The following RAB42 variants were observed in gnomAD, a reference collection of about 807,000 sequenced individuals.
RAB42 encodes ras-related protein Rab-42.
In RAB42, 4 loss-of-function variants were observed where a neutral mutation model predicts 7.5. The observed-to-expected ratio is 0.53, with a 90% CI of 0.26 to 1.22. The LOEUF is 1.22. Among genes scored for constraint, RAB42 ranks in the 50% most tolerant of loss-of-function variants. The pLI is 0.13. For synonymous variants in RAB42, 82 were observed against 129.0 expected (o/e 0.64, Z 2.47); for missense variants, 208 against 281.2 (o/e 0.74, Z 1.86).
intron 1 of RAB42, among the ~76,000 whole-genome samples, chr1:28,593,083 A>G (rs919845029): frequency 5.9e-5 from 9 of 152,164 alleles, no homozygotes; most frequent in Admixed American, 5.9e-4. Flanking sequence ...GAGGATCAGC[A>G]GGAGTTTGCC....
chr1:28,594,923 T>G lies in RAB42; in HGVS notation c.*806T>G, dbSNP rs1486933769. Reference sequence around the variant, plus strand: ...GGGAGCTTGGCTTGGAGGCTTCTTATGTCCTCAGGCTAAAATGATTCTGGG... The same window carrying G: ...GGGAGCTTGGCTTGGAGGCTTCTTAGGTCCTCAGGCTAAAATGATTCTGGG... On this transcript the variant is annotated 3_prime_UTR_variant, in exon 2 of 2. Coordinates refer to ENST00000465518, the MANE Select transcript of RAB42 (RefSeq NM_001193532.3). The G allele has an allele frequency of 1.8e-5, 3 of 167,198 alleles. No individual in the cohort carries two copies. The highest frequency in any genetic ancestry group is 4.4e-5 in the Non-Finnish European group (3 of 68,222). 10.4% of individuals were successfully genotyped at this position (167,198 alleles called of 1,614,324 possible). A position where few individuals can be genotyped will look rare whatever the true frequency, so the allele number is the denominator to read the frequency against.
At position 28,594,701 on chromosome 1, in the gene RAB42, C is replaced by T. The variant is rs1019094201; in HGVS notation, c.*584C>T. Reference sequence around the variant, plus strand: ...ATCCCACCTTGAAGGGAGGTGGTGACCACAAATGAGACAGTGGACAGGATG... The same window carrying T: ...ATCCCACCTTGAAGGGAGGTGGTGATCACAAATGAGACAGTGGACAGGATG... On this transcript the variant is annotated 3_prime_UTR_variant, in exon 2 of 2. Transcript: ENST00000465518. 1 of 167,134 alleles carries T rather than the reference C, an allele frequency of 6.0e-6. No individual in the cohort carries two copies. Among genetic ancestry groups the T allele is most frequent in the African/African-American group, 2.4e-5 (1 of 41,448 alleles). The allele number at this position is 167,134 out of a possible 1,614,324, so 10.4% of individuals were successfully genotyped here. A position where few individuals can be genotyped will look rare whatever the true frequency, so the allele number is the denominator to read the frequency against.
chr1:28,592,816 T>C lies in RAB42; in HGVS notation c.233+72T>C. 1.4e-6 allele frequency: 1 copy of C among 705,630 alleles called. No homozygotes were observed. Among genetic ancestry groups the C allele is most frequent in the Non-Finnish European group, 2.0e-6 (1 of 509,786 alleles). The allele number at this position is 705,630 out of a possible 1,614,324, so 43.7% of individuals were successfully genotyped here. On this transcript the variant is annotated intron_variant, in intron 1 of 1. Transcript: ENST00000465518. This position sits in a 1 kb window ranked among gnomAD's most constrained non-coding sequence, Gnocchi z 4.1. Reference sequence around the variant, plus strand: ...TGAGCGTGCTTTAGGCCACGGCAACTCCCGAGAGGCCAACTCAGAGGTCAG... The same window carrying C: ...TGAGCGTGCTTTAGGCCACGGCAACCCCCGAGAGGCCAACTCAGAGGTCAG...
intron 1 of RAB42, 44 bp from the exon 2 acceptor site, chr1:28,593,639 GTCATGGAGGCA>G: frequency 6.7e-7 from 1 of 1,483,650 alleles, no homozygotes; most frequent in South Asian, 1.3e-5. Flanking sequence ...CTCTGGGGGT[GTCATGGAGGCA>G]TCAGCCTCTC....
Position 28,592,309 on chromosome 1 carries a change from C to T in RAB42, c.-203C>T, listed in dbSNP as rs1666327187. The T allele has an allele frequency of 5.2e-6, 1 of 192,468 alleles. No homozygotes were observed. The highest frequency in any genetic ancestry group is 1.0e-5 in the Non-Finnish European group (1 of 95,448). 11.9% of individuals were successfully genotyped at this position (192,468 alleles called of 1,614,324 possible). ...CTGTGAAGTAGGGGTCATCATTAGC[C>T]CCCTTTTACAGAGGAGAGAATTGAG... is the stretch of plus-strand genomic sequence containing the variant. On this transcript the variant is annotated 5_prime_UTR_variant, in exon 1 of 2. Coordinates refer to ENST00000465518, the MANE Select transcript of RAB42 (RefSeq NM_001193532.3). The surrounding 1 kb of genome is among the most constrained non-coding windows in gnomAD (Gnocchi z 4.1).
intron 1 of RAB42, among the ~76,000 whole-genome samples, chr1:28,593,196 A>C (rs1396440947): frequency 6.6e-6 from 1 of 150,806 alleles, no homozygotes; most frequent in East Asian, 2.0e-4. Flanking sequence ...GAGCACCCAG[A>C]CTTTTTTCTT....
At chr1:28,596,360 G>A (rs1161128394), downstream of RAB42, among the ~76,000 whole-genome samples, 1 of 152,094 alleles carries the variant, frequency 6.6e-6, no homozygotes, top group African/African-American at 2.4e-5. Context: ...GGTGGCTCAC[G>A]CCTGTAATCC....
rs556686113 is a variant in RAB42, at chr1:28,592,824, G to A, written c.233+80G>A. ...CTTTAGGCCACGGCAACTCCCGAGAGGCCAACTCAGAGGTCAGGCGGAGGG... is the reference window on the plus strand; with the variant it reads ...CTTTAGGCCACGGCAACTCCCGAGAAGCCAACTCAGAGGTCAGGCGGAGGG... On this transcript the variant is annotated intron_variant, in intron 1 of 1. Transcript: ENST00000465518. This position sits in a 1 kb window ranked among gnomAD's most constrained non-coding sequence, Gnocchi z 4.1. 1.3e-4 allele frequency: 84 copies of A among 650,778 alleles called. No homozygotes were observed. The highest frequency in any genetic ancestry group is 1.7e-4 in the Non-Finnish European group (78 of 459,288). 40.3% of individuals were successfully genotyped at this position (650,778 alleles called of 1,614,324 possible).
chr1:28,596,125 C>T (rs1279409563), downstream of RAB42, among the ~76,000 whole-genome samples: 1 of 151,588 alleles, frequency 6.6e-6, no homozygotes, highest in Non-Finnish European at 1.5e-5. Context: ...CTTGGTCCTG[C>T]CTCTTTTTTT....
chr1:28,594,211 G>C lies in RAB42; in HGVS notation c.*94G>C. On this transcript the variant is annotated 3_prime_UTR_variant, in exon 2 of 2. Coordinates refer to ENST00000465518, the MANE Select transcript of RAB42 (RefSeq NM_001193532.3). The stretch of plus-strand genomic sequence containing the variant: ...CTCTCTGGAGGACAAATGACAGAAG[G>C]GTTCATATAAACAGTATCCTGACAC... The C allele has an allele frequency of 8.3e-7, 1 of 1,209,132 alleles. No homozygotes were observed. The highest frequency in any genetic ancestry group is 1.1e-6 in the Non-Finnish European group (1 of 877,020). 74.9% of individuals were successfully genotyped at this position (1,209,132 alleles called of 1,614,324 possible).
At chr1:28,595,779 T>C (rs189293655), downstream of RAB42, among the ~76,000 whole-genome samples, 33 of 152,100 alleles carry the variant, frequency 2.2e-4, no homozygotes, top group South Asian at 1.9e-3. Flanking sequence ...TGGTGGCTCA[T>C]GCCTGTAATC....
chr1:28,595,916 A>C (rs1666426153), downstream of RAB42, among the ~76,000 whole-genome samples: 1 of 152,086 alleles, frequency 6.6e-6, no homozygotes, highest in Non-Finnish European at 1.5e-5. Flanking sequence ...TCCGTCTCAT[A>C]AAAAAAGAAA....
chr1:28,592,616 C>A lies in RAB42; in HGVS notation c.105C>A (p.Gly35=), dbSNP rs1666340163. The change falls in exon 1 of 2, where the codon GGC becomes GGA. Residue 35 remains glycine (G), a synonymous_variant. Transcript: ENST00000465518. The surrounding 1 kb of genome is among the most constrained non-coding windows in gnomAD (Gnocchi z 4.1). Reference sequence around the variant, plus strand: ...GGAGCTACGTGGCAGGCGCGCCTGGCGCCCCGGAGCCGGAGCCCGAGCCCG... The same window carrying A: ...GGAGCTACGTGGCAGGCGCGCCTGGAGCCCCGGAGCCGGAGCCCGAGCCCG... ...LLRSYVAGAP[G]APEPEPEPEP... 4.9e-6 allele frequency: 6 copies of A among 1,221,802 alleles called. No individual in the cohort carries two copies. Among genetic ancestry groups the A allele is most frequent in the Non-Finnish European group, 6.1e-6 (6 of 981,548 alleles). The allele number at this position is 1,221,802 out of a possible 1,614,324, so 75.7% of individuals were successfully genotyped here. A position where few individuals can be genotyped will look rare whatever the true frequency, so the allele number is the denominator to read the frequency against.
rs1666336015 is a variant in RAB42, at chr1:28,592,504, A to T, written c.-8A>T. On this transcript the variant is annotated 5_prime_UTR_variant, in exon 1 of 2. Coordinates refer to ENST00000465518, the MANE Select transcript of RAB42 (RefSeq NM_001193532.3). The surrounding 1 kb of genome is among the most constrained non-coding windows in gnomAD (Gnocchi z 4.1). ...CCGCCGCGGGGCGGCGGGGTGGCGG[A>T]CGCGGCCATGGAGGCCGAGGGCTGC... is the stretch of plus-strand genomic sequence containing the variant. The T allele has an allele frequency of 2.5e-6, 3 of 1,195,348 alleles. No individual in the cohort carries two copies. In the South Asian group the frequency reaches 1.3e-4, roughly 50 times the overall value. 74.0% of individuals were successfully genotyped at this position (1,195,348 alleles called of 1,614,324 possible).
In RAB42 at chr1:28,593,859, G is replaced by A. The variant is rs762100612; in HGVS notation, c.399G>A (p.Leu133=). ...IFLLVGHKSD[L]QSTRCVSAQE... is the part of the protein sequence containing the mutation. Reference sequence around the variant, plus strand: ...TGCTGGTTGGCCACAAGAGTGACCTGCAGAGCACCCGCTGTGTCTCAGCCC... The same window carrying A: ...TGCTGGTTGGCCACAAGAGTGACCTACAGAGCACCCGCTGTGTCTCAGCCC... Residue 133 remains leucine, a synonymous_variant, in exon 2 of 2, where the codon CTG becomes CTA. Transcript: ENST00000465518. 8.1e-6 allele frequency: 13 copies of A among 1,595,578 alleles called. No individual in the cohort carries two copies. The African/African-American group carries it at 1.6e-4, about 20-fold the overall frequency.
In RAB42 at chr1:28,592,622, G is replaced by A. The variant is rs1194504988; in HGVS notation, c.111G>A (p.Pro37=). ...RSYVAGAPGA[P]EPEPEPEPTV... Reference sequence around the variant, plus strand: ...ACGTGGCAGGCGCGCCTGGCGCCCCGGAGCCGGAGCCCGAGCCCGAGCCCA... The same window carrying A: ...ACGTGGCAGGCGCGCCTGGCGCCCCAGAGCCGGAGCCCGAGCCCGAGCCCA... Residue 37 remains proline, a synonymous_variant, in exon 1 of 2, where the codon CCG becomes CCA. Transcript: ENST00000465518. This position sits in a 1 kb window ranked among gnomAD's most constrained non-coding sequence, Gnocchi z 4.1. 2 of 1,223,228 alleles carry A rather than the reference G, an allele frequency of 1.6e-6. No individual in the cohort carries two copies. Among genetic ancestry groups the A allele is most frequent in the Admixed American group, 8.6e-5 (2 of 23,386 alleles). 75.8% of individuals were successfully genotyped at this position (1,223,228 alleles called of 1,614,324 possible).
Position 28,592,823 on chromosome 1 carries a change from A to G in RAB42, c.233+79A>G, listed in dbSNP as rs1037544903. On this transcript the variant is annotated intron_variant, in intron 1 of 1. Transcript: ENST00000465518. The surrounding 1 kb of genome is among the most constrained non-coding windows in gnomAD (Gnocchi z 4.1). ...GCTTTAGGCCACGGCAACTCCCGAG[A>G]GGCCAACTCAGAGGTCAGGCGGAGG... 4 of 649,768 alleles carry G rather than the reference A, an allele frequency of 6.2e-6. No individual in the cohort carries two copies. The South Asian group carries it at 3.3e-4, about 54-fold the overall frequency. 40.3% of individuals were successfully genotyped at this position (649,768 alleles called of 1,614,324 possible).
downstream of RAB42, among the ~76,000 whole-genome samples, chr1:28,596,231 C>T (rs1666431690): frequency 6.6e-6 from 1 of 152,054 alleles, no homozygotes; most frequent in African/African-American, 2.4e-5. Flanking sequence ...TACAAACAAT[C>T]CAGTTATACG....
chr1:28,596,178 TG>T (rs1248362678), downstream of RAB42, among the ~76,000 whole-genome samples: 1 of 151,650 alleles, frequency 6.6e-6, no homozygotes, highest in African/African-American at 2.4e-5. Context: ...TTGTGGGGGG[TG>T]GGGAATATCC....
Sources: gnomAD v4.1 joint callset for allele counts (sites outside exome capture counted in the v4.1 genomes callset) on GRCh38, gnomAD v4.1.1 for gene constraint, Gnocchi (gnomAD v3.1) non-coding constraint, MANE v1.5 for transcripts, NCBI Gene and HGNC (gene_info 2026-07-23, HGNC 2026-07-21) for gene names.